The following LCN9 variants were observed in gnomAD, a reference collection of about 807,000 sequenced individuals.
LCN9 encodes the protein epididymal-specific lipocalin-9.
A neutral mutation model predicts 18.5 loss-of-function variants in LCN9; 22 were observed. The observed-to-expected ratio is 1.19, with a 90% confidence interval of 0.85 to 1.70. The LOEUF is 1.70. LCN9 is among the 40% of genes most tolerant of loss of function. The pLI, the probability that LCN9 is intolerant of heterozygous loss-of-function variation, is 0.00. For synonymous variants in LCN9, 89 were observed against 83.0 expected (o/e 1.07, Z -0.39); for missense variants, 202 against 201.3 (o/e 1.00, Z -0.02).
At chr9:135,666,449 C>T (rs530144155) in exon 6 of LCN9, 204 of 295,960 alleles carry the variant, frequency 6.9e-4, no homozygotes, top group African/African-American at 4.0e-3. Context: ...TTCACACCTG[C>T]AAAGACCCTT....
In LCN9 at chr9:135,665,515, G is replaced by A. The variant is rs1004658453; in HGVS notation, c.418+160G>A. ...CAGACACACCGTTAGGGTGCTGGGT[G>A]CTTCAATCTGTCACCTCCCATCTCA... is the stretch of plus-strand genomic sequence containing the variant. On this transcript the variant is annotated intron_variant, in intron 4 of 5. Transcript: ENST00000619315. This position sits in a 1 kb window ranked among gnomAD's most constrained non-coding sequence, Gnocchi z 5.9. The A allele has an allele frequency of 3.7e-6, 3 of 812,670 alleles. No homozygotes were observed. Among genetic ancestry groups the A allele is most frequent in the East Asian group, 2.7e-5 (1 of 37,494 alleles). 50.3% of individuals were successfully genotyped at this position (812,670 alleles called of 1,614,324 possible).
chr9:135,666,203 C>G, exon 6 of LCN9: 1 of 1,503,906 alleles, frequency 6.6e-7, no homozygotes, highest in Non-Finnish European at 8.9e-7. Flanking sequence ...TTTCTCACAG[C>G]CTGGAGCCCG....
chr9:135,663,348 GC>G lies in LCN9; in HGVS notation c.28del (p.Leu10Ter). On this transcript the variant is annotated frameshift_variant, in exon 1 of 6. Transcript: ENST00000619315. LOFTEE classifies it high-confidence loss of function. ...TGGCTCTGCTTCTGCTGAGCCTGGG[GC>G]TGAGCCTCATCGCAGCCCAGGAGTT... The G allele has an allele frequency of 4.3e-6, 7 of 1,613,924 alleles. No homozygotes were observed. Among genetic ancestry groups the G allele is most frequent in the Non-Finnish European group, 5.9e-6 (7 of 1,179,858 alleles).
At position 135,665,815 on chromosome 9, in the gene LCN9, T is replaced by C; in HGVS notation, c.*10-46T>C. The C allele has an allele frequency of 6.2e-7, 1 of 1,611,950 alleles. No homozygotes were observed. Among genetic ancestry groups the C allele is most frequent in the Non-Finnish European group, 8.5e-7 (1 of 1,179,014 alleles). On this transcript the variant is annotated intron_variant, in intron 5 of 5. Coordinates refer to ENST00000619315, the Ensembl canonical transcript of LCN9. The surrounding 1 kb of genome is among the most constrained non-coding windows in gnomAD (Gnocchi z 5.9). Reference sequence around the variant, plus strand: ...ACAGGGTGGGGATGGGAGGTGTGCCTGCGGGGTCCCTGTCCCTGCGCTGAG... The same window carrying C: ...ACAGGGTGGGGATGGGAGGTGTGCCCGCGGGGTCCCTGTCCCTGCGCTGAG...
At chr9:135,666,769 C>A (rs933066904) in exon 6 of LCN9, among the ~76,000 whole-genome samples, 3 of 151,180 alleles carry the variant, frequency 2.0e-5, no homozygotes, top group Admixed American at 6.6e-5. Flanking sequence ...CAAGGCCCTA[C>A]CCCTCCCCTC....
At position 135,664,297 on chromosome 9, in the gene LCN9, A is replaced by G. The variant is rs776808788; in HGVS notation, c.232A>G (p.Met78Val). 1.2e-6 allele frequency: 2 copies of G among 1,613,800 alleles called. No individual in the cohort carries two copies. Among genetic ancestry groups the G allele is most frequent in the South Asian group, 1.1e-5 (1 of 91,078 alleles). Reference sequence around the variant, plus strand: ...CAGCCTAATATTTGATTTCGAATACATGTGCGTGTTGCCCATCTCAGCTGG... The same window carrying G: ...CAGCCTAATATTTGATTTCGAATACGTGTGCGTGTTGCCCATCTCAGCTGG... The change falls in exon 2 of 6, where the codon ATG becomes GTG. Residue 78 changes from methionine to valine, a missense_variant and splice_region_variant. By Grantham distance (21) the Met-to-Val change is conservative. Coordinates refer to ENST00000619315, the Ensembl canonical transcript of LCN9. The surrounding 1 kb of genome is among the most constrained non-coding windows in gnomAD (Gnocchi z 4.5).
exon 6 of LCN9, among the ~76,000 whole-genome samples, chr9:135,666,851 C>T (rs762629580): frequency 5.3e-5 from 8 of 151,794 alleles, no homozygotes; most frequent in Non-Finnish European, 1.2e-4. Flanking sequence ...TGTCCCCTCC[C>T]TGGGCTCAGC....
In LCN9 at chr9:135,665,295, A is replaced by C; in HGVS notation, c.358A>C (p.Ile120Leu). 2 of 1,607,042 alleles carry C rather than the reference A, an allele frequency of 1.2e-6. No individual in the cohort carries two copies. The highest frequency in any genetic ancestry group is 1.7e-6 in the Non-Finnish European group (2 of 1,177,086). ...CTCGGAGACTGACTACAGGCTGTTC[A>C]TCACCTTCCACCTCCAGAACTTCAG... Residue 120 changes from isoleucine to leucine, a missense_variant, in exon 4 of 6, where the codon ATC becomes CTC. Coordinates refer to ENST00000619315, the Ensembl canonical transcript of LCN9. The surrounding 1 kb of genome is among the most constrained non-coding windows in gnomAD (Gnocchi z 5.9).
In LCN9 at chr9:135,664,036, G is replaced by A. The variant is rs1588215151; in HGVS notation, c.97-126G>A. On this transcript the variant is annotated intron_variant, in intron 1 of 5. Transcript: ENST00000619315. The surrounding 1 kb of genome is among the most constrained non-coding windows in gnomAD (Gnocchi z 4.5). ...GAGGGGAGACCTGGGGGCACTGGAA[G>A]GGCGGAGGGGTTCTGGTTGGGAGCC... The A allele has an allele frequency of 2.0e-6, 2 of 977,336 alleles. No individual in the cohort carries two copies. Among genetic ancestry groups the A allele is most frequent in the South Asian group, 1.7e-5 (1 of 59,506 alleles). 60.5% of individuals were successfully genotyped at this position (977,336 alleles called of 1,614,324 possible). A position where few individuals can be genotyped will look rare whatever the true frequency, so the allele number is the denominator to read the frequency against.
chr9:135,665,787 G>A lies in LCN9; in HGVS notation c.*9+35G>A, dbSNP rs776980157. The A allele has an allele frequency of 1.7e-5, 28 of 1,612,056 alleles. No individual in the cohort carries two copies. Among genetic ancestry groups the A allele is most frequent in the Middle Eastern group, 1.6e-4 (1 of 6,084 alleles). On this transcript the variant is annotated intron_variant, in intron 5 of 5. Coordinates refer to ENST00000619315, the Ensembl canonical transcript of LCN9. This position sits in a 1 kb window ranked among gnomAD's most constrained non-coding sequence, Gnocchi z 5.9. The stretch of plus-strand genomic sequence containing the variant: ...ACTGCTCCCGGACCAAGCGGGAGCC[G>A]GGACAGGGTGGGGATGGGAGGTGTG...
chr9:135,663,802 G>A (rs1280951384), intron 1 of LCN9, among the ~76,000 whole-genome samples: 1 of 34,764 alleles, frequency 2.9e-5, no homozygotes, highest in Non-Finnish European at 5.7e-5. Flanking sequence ...AGGACAGAGG[G>A]GGACCTGGAG....
Position 135,665,195 on chromosome 9 carries a change from G to C in LCN9, c.308-50G>C, listed in dbSNP as rs113970686. 2.4e-3 allele frequency: 3,086 copies of C among 1,279,346 alleles called. 53 individuals carry two copies. The African/African-American group carries it at 0.038, about 16-fold the overall frequency. The allele number at this position is 1,279,346 out of a possible 1,614,324, so 79.2% of individuals were successfully genotyped here. On this transcript the variant is annotated intron_variant, in intron 3 of 5. Coordinates refer to ENST00000619315, the Ensembl canonical transcript of LCN9. This position sits in a 1 kb window ranked among gnomAD's most constrained non-coding sequence, Gnocchi z 5.9. ...TGCGGCCACACAGCACGTGTCACAG[G>C]ACCCTGAGGGTGGCGGGGCCAGGCC...
chr9:135,663,425 T>G lies in LCN9; in HGVS notation c.96+8T>G. ...AACTACAACGTGGCCAGGGTGTGTC[T>G]GCGTTGGGGTCTGTGGGGAAGGGGC... On this transcript the variant is annotated splice_region_variant and intron_variant, in intron 1 of 5. Transcript: ENST00000619315. The G allele has an allele frequency of 6.2e-7, 1 of 1,612,690 alleles. No individual in the cohort carries two copies. Among genetic ancestry groups the G allele is most frequent in the Middle Eastern group, 1.7e-4 (1 of 6,058 alleles).
At chr9:135,666,237 G>A (rs1006379079) in exon 6 of LCN9, 1 of 1,279,656 alleles carries the variant, frequency 7.8e-7, no homozygotes, top group South Asian at 1.4e-5. Context: ...GAGGTCCGCA[G>A]GGCTGTGCTC....
Position 135,665,762 on chromosome 9 carries a change from A to G in LCN9, c.*9+10A>G. ...GACTTGACCAACAAAGGTCAGCCCC[A>G]CTGCTCCCGGACCAAGCGGGAGCCG... On this transcript the variant is annotated intron_variant, in intron 5 of 5. Coordinates refer to ENST00000619315, the Ensembl canonical transcript of LCN9. This position sits in a 1 kb window ranked among gnomAD's most constrained non-coding sequence, Gnocchi z 5.9. 2.5e-6 allele frequency: 4 copies of G among 1,613,266 alleles called. No homozygotes were observed. Among genetic ancestry groups the G allele is most frequent in the Non-Finnish European group, 3.4e-6 (4 of 1,179,616 alleles).
Position 135,664,736 on chromosome 9 carries a change from G to A in LCN9, c.248G>A (p.Cys83Tyr), listed in dbSNP as rs764936527. 2.1e-5 allele frequency: 34 copies of A among 1,598,226 alleles called. No individual in the cohort carries two copies. Among genetic ancestry groups the A allele is most frequent in the African/African-American group, 2.7e-5 (2 of 74,488 alleles). Reference sequence around the variant, plus strand: ...CTGGCTTCCAGGGTGCAGGGGGAGTGTGTGGCTGTGGTCGTGGTCTGCGAG... The same window carrying A: ...CTGGCTTCCAGGGTGCAGGGGGAGTATGTGGCTGTGGTCGTGGTCTGCGAG... The change falls in exon 3 of 6, where the codon TGT becomes TAT. Residue 83 changes from cysteine to tyrosine, a missense_variant. By Grantham distance (194) the Cys-to-Tyr change is radical (BLOSUM62 -2). Transcript: ENST00000619315. The surrounding 1 kb of genome is among the most constrained non-coding windows in gnomAD (Gnocchi z 4.5).
intron 1 of LCN9, among the ~76,000 whole-genome samples, 161 bp downstream of exon 1, chr9:135,663,578 C>T (rs1354676941): frequency 1.5e-5 from 2 of 131,390 alleles, no homozygotes; most frequent in African/African-American, 2.8e-5. Flanking sequence ...GGGGTTACTC[C>T]GGGAGGGTCG....
chr9:135,665,606 C>A lies in LCN9; in HGVS notation c.419-82C>A. The A allele has an allele frequency of 7.2e-7, 1 of 1,396,148 alleles. No individual in the cohort carries two copies. Among genetic ancestry groups the A allele is most frequent in the South Asian group, 1.3e-5 (1 of 79,860 alleles). 86.5% of individuals were successfully genotyped at this position (1,396,148 alleles called of 1,614,324 possible). Reference sequence around the variant, plus strand: ...GCCCAGCCTCAGCACTTCCTGAGCACCCCCAGCAAGGCCCAGCTTCACACA... The same window carrying A: ...GCCCAGCCTCAGCACTTCCTGAGCAACCCCAGCAAGGCCCAGCTTCACACA... On this transcript the variant is annotated intron_variant, in intron 4 of 5. Coordinates refer to ENST00000619315, the Ensembl canonical transcript of LCN9. This position sits in a 1 kb window ranked among gnomAD's most constrained non-coding sequence, Gnocchi z 5.9.
chr9:135,666,230 G>A (rs1834220372), exon 6 of LCN9: 3 of 1,356,784 alleles, frequency 2.2e-6, no homozygotes, highest in Admixed American at 2.1e-5. Context: ...GAAACCCGAG[G>A]TCCGCAGGGC....
Sources: gnomAD v4.1 joint callset for allele counts (sites outside exome capture counted in the v4.1 genomes callset) on GRCh38, gnomAD v4.1.1 for gene constraint, Gnocchi (gnomAD v3.1) non-coding constraint, MANE v1.5 for transcripts, NCBI Gene and HGNC (gene_info 2026-07-23, HGNC 2026-07-21) for gene names.